Variants in ATXN1 observed in about 807,000 individuals in gnomAD.
ATXN1 encodes ataxin 1, also known as ataxin-1.
Under a neutral mutation model 56.4 loss-of-function variants are expected in ATXN1, and 8 were observed. The ratio of observed to expected loss-of-function variants is 0.14; its 90% CI spans 0.08 to 0.26. The LOEUF (loss-of-function observed/expected upper bound fraction) is 0.26. ATXN1 is among the 10% of genes least tolerant of loss of function. The probability of loss-of-function intolerance (pLI) is 1.00; values close to 1 mark genes in which losing one functional copy is unlikely to be tolerated. For missense variants in ATXN1, 987 were observed against 1,106.5 expected (o/e 0.89, Z 1.53); for synonymous variants, 514 against 494.6 (o/e 1.04, Z -0.52).
At chr6:16,459,220 T>C (rs897711886) in intron 6 of ATXN1, among the ~76,000 whole-genome samples, 2 of 152,194 alleles carry the variant, frequency 1.3e-5, no homozygotes, top group Non-Finnish European at 1.5e-5. Flanking sequence ...TACCCATTTG[T>C]TGTCCCCTAC....
intron 4 of ATXN1, among the ~76,000 whole-genome samples, chr6:16,539,606 G>T (rs1324853318): frequency 1.3e-5 from 2 of 152,086 alleles, no homozygotes; most frequent in African/African-American, 4.8e-5. Flanking sequence ...CCATTTGCTT[G>T]CCATCATTTC....
intron 6 of ATXN1, among the ~76,000 whole-genome samples, chr6:16,409,443 A>G (rs1369402077): frequency 2.0e-5 from 3 of 152,282 alleles, no homozygotes; most frequent in East Asian, 1.9e-4. Context: ...ACTTAAGGTC[A>G]GGAGTTCAAG....
At chr6:16,514,872 A>T (rs1048203563) in intron 5 of ATXN1, among the ~76,000 whole-genome samples, 14 of 151,910 alleles carry the variant, frequency 9.2e-5, no homozygotes, top group Admixed American at 1.3e-4. Context: ...AATCCCAGCT[A>T]CTTGGGAGGC....
rs867447263 is a variant in ATXN1 at position 16,529,211 on chromosome 6, T to G, written c.-360-6523A>C. Among the ~76,000 whole-genome samples, 42 of 150,222 alleles carry G rather than the reference T, an allele frequency of 2.8e-4. 2 individuals carry two copies. The Middle Eastern group carries it at 0.024, about 86-fold the overall frequency. On this transcript the variant is annotated intron_variant, in intron 4 of 7. Transcript: ENST00000436367. ...AAAATCTTTGTCAGGGTTTTTTGTT[T>G]TTTTTTTTTTTTTGTGAAGATAGCA...
At chr6:16,503,304 C>T (rs1319173900) in intron 5 of ATXN1, among the ~76,000 whole-genome samples, 1 of 152,164 alleles carries the variant, frequency 6.6e-6, no homozygotes, top group Non-Finnish European at 1.5e-5. Context: ...CTCCACCGAG[C>T]TGAGGAGTCT....
chr6:16,582,482 T>C (rs1206164922), intron 4 of ATXN1, among the ~76,000 whole-genome samples: 2 of 152,216 alleles, frequency 1.3e-5, no homozygotes, highest in Admixed American at 6.5e-5. Context: ...AATTCAAAAG[T>C]TGTGCTTTAA....
At chr6:16,479,584 G>A (rs1171121684) in intron 6 of ATXN1, among the ~76,000 whole-genome samples, 2 of 152,220 alleles carry the variant, frequency 1.3e-5, no homozygotes, top group Non-Finnish European at 2.9e-5. Context: ...GTCCTAAGGA[G>A]TAATTTATGT....
chr6:16,738,108 G>A (rs1483418161), intron 2 of ATXN1: 4 of 152,120 alleles, frequency 2.6e-5, no homozygotes, highest in Admixed American at 1.3e-4. Context: ...TACAGGCCAC[G>A]AAGAGCCAAA....
intron 7 of ATXN1, among the ~76,000 whole-genome samples, chr6:16,319,871 T>G (rs1410152883): frequency 5.3e-5 from 8 of 151,370 alleles, no homozygotes; most frequent in South Asian, 2.1e-4. Flanking sequence ...TTTTTTTTTT[T>G]AGAGAGGTAC....
chr6:16,730,504 T>TATATAA (rs1561826415), intron 2 of ATXN1, among the ~76,000 whole-genome samples: 2 of 147,276 alleles, frequency 1.4e-5, no homozygotes, highest in Non-Finnish European at 3.0e-5. Flanking sequence ...TATATATATA[T>TATATAA]ATAAATGTAT....
intron 6 of ATXN1, among the ~76,000 whole-genome samples, chr6:16,476,331 T>C (rs73366765): frequency 0.013 from 1,961 of 152,276 alleles, 38 homozygotes; most frequent in African/African-American, 0.044. Context: ...TGGTCTATCA[T>C]CTACTTTACC....
In ATXN1 at chr6:16,301,358, A is replaced by C. The variant is rs1231211155; in HGVS notation, c.*4971T>G. The C allele has an allele frequency of 2.0e-5, 3 of 152,760 alleles. No homozygotes were observed. The highest frequency in any genetic ancestry group is 7.2e-5 in the African/African-American group (3 of 41,588). 9.5% of individuals were successfully genotyped at this position (152,760 alleles called of 1,614,324 possible). On this transcript the variant is annotated 3_prime_UTR_variant, in exon 8 of 8. Coordinates refer to ENST00000436367, the MANE Select transcript of ATXN1 (RefSeq NM_001128164.2). Reference sequence around the variant, plus strand: ...GTATTTGAAGCGAGGTCATCTATGTAAAAGAAATCTCAGCTCCGGAGTAGA... The same window carrying C: ...GTATTTGAAGCGAGGTCATCTATGTCAAAGAAATCTCAGCTCCGGAGTAGA...
chr6:16,700,057 C>T (rs1759249427), intron 2 of ATXN1, among the ~76,000 whole-genome samples: 1 of 152,172 alleles, frequency 6.6e-6, no homozygotes. Flanking sequence ...TGGAAGCTTA[C>T]TCTGTATTCT....
chr6:16,637,546 T>C (rs1184243376), intron 3 of ATXN1, among the ~76,000 whole-genome samples: 4 of 151,988 alleles, frequency 2.6e-5, no homozygotes, highest in East Asian at 1.9e-4. Context: ...AAGAAACTAA[T>C]TGAGCACACT....
At chr6:16,715,692 G>C (rs1759623763) in intron 2 of ATXN1, among the ~76,000 whole-genome samples, 1 of 152,202 alleles carries the variant, frequency 6.6e-6, no homozygotes, top group Admixed American at 6.5e-5. Context: ...GTGTTGGTAT[G>C]AATGTGCAGG....
At chr6:16,414,689 C>A (rs189631051) in intron 6 of ATXN1, among the ~76,000 whole-genome samples, 2 of 152,160 alleles carry the variant, frequency 1.3e-5, no homozygotes, top group Non-Finnish European at 2.9e-5. Flanking sequence ...TTCACTCAGG[C>A]CTTTTTATTT....
intron 6 of ATXN1, among the ~76,000 whole-genome samples, chr6:16,428,829 G>C (rs1211005474): frequency 6.6e-6 from 1 of 152,108 alleles, no homozygotes; most frequent in Non-Finnish European, 1.5e-5. Flanking sequence ...ATAATAAAGG[G>C]ACTCAGAAGC....
At chr6:16,464,980 C>G (rs9350006) in intron 6 of ATXN1, among the ~76,000 whole-genome samples, 66,806 of 151,972 alleles carry the variant, frequency 0.44, 15,535 homozygotes, top group East Asian at 0.81. Flanking sequence ...TGTCAGGGGT[C>G]GGGGAGGCTA....
At chr6:16,740,243 T>C (rs1760290173) in intron 2 of ATXN1, among the ~76,000 whole-genome samples, 1 of 152,222 alleles carries the variant, frequency 6.6e-6, no homozygotes, top group Non-Finnish European at 1.5e-5. Flanking sequence ...TGTATTTTAC[T>C]AAAAGATTAG....
Sources: gnomAD v4.1 joint callset for allele counts (sites outside exome capture counted in the v4.1 genomes callset) on GRCh38, gnomAD v4.1.1 for gene constraint, MANE v1.5 for transcripts, NCBI Gene and HGNC (gene_info 2026-07-23, HGNC 2026-07-21) for gene names.